The following FRS2 variants were observed in gnomAD, a reference collection of about 807,000 sequenced individuals.
FRS2 encodes FGFR signalling adaptor.
Under a neutral mutation model 43.9 loss-of-function variants are expected in FRS2, and 8 were observed. That is an observed-to-expected ratio of 0.18 (90% confidence interval 0.11 to 0.33). FRS2 has a LOEUF of 0.33. FRS2 is among the 10% of genes least tolerant of loss of function. The probability of loss-of-function intolerance (pLI) is 1.00; values close to 1 mark genes in which losing one functional copy is unlikely to be tolerated. For synonymous variants in FRS2, 219 were observed against 220.3 expected (o/e 0.99, Z 0.05); for missense variants, 534 against 627.6 (o/e 0.85, Z 1.59).
intron 1 of FRS2, among the ~76,000 whole-genome samples, chr12:69,480,529 G>T (rs971237313): frequency 6.6e-6 from 1 of 152,054 alleles, no homozygotes; most frequent in Non-Finnish European, 1.5e-5. Context: ...TCATAGCGGC[G>T]ATCATAGCAC....
intron 1 of FRS2, among the ~76,000 whole-genome samples, chr12:69,477,575 C>T (rs1870930410): frequency 6.6e-6 from 1 of 151,370 alleles, no homozygotes; most frequent in Admixed American, 6.6e-5. Context: ...AGCCACCGCG[C>T]CCGGCCTAAA....
intron 3 of FRS2, among the ~76,000 whole-genome samples, chr12:69,551,877 C>T (rs565279164): frequency 2.0e-5 from 3 of 152,160 alleles, no homozygotes; most frequent in African/African-American, 4.8e-5. Flanking sequence ...GACTGTATGG[C>T]ATGTTTTATG....
intron 1 of FRS2, among the ~76,000 whole-genome samples, chr12:69,510,046 G>A (rs1874313199): frequency 6.6e-6 from 1 of 152,154 alleles, no homozygotes; most frequent in African/African-American, 2.4e-5. Flanking sequence ...TGTGTTTGTA[G>A]GGGTTTGATT....
intron 1 of FRS2, among the ~76,000 whole-genome samples, chr12:69,501,936 G>A (rs2135547090): frequency 6.6e-6 from 1 of 152,136 alleles, no homozygotes; most frequent in Middle Eastern, 3.4e-3. Context: ...CAACTGTATG[G>A]AGAAACACCT....
intron 3 of FRS2, among the ~76,000 whole-genome samples, chr12:69,532,991 C>T (rs894458242): frequency 7.9e-5 from 12 of 152,198 alleles, no homozygotes; most frequent in Non-Finnish European, 1.8e-4. Context: ...TGTGTTACCA[C>T]ACTGCATAAA....
chr12:69,534,259 A>G (rs1479322792), intron 3 of FRS2, among the ~76,000 whole-genome samples: 2 of 152,242 alleles, frequency 1.3e-5, no homozygotes, highest in Non-Finnish European at 2.9e-5. Context: ...TTTATAGTTT[A>G]TAAAAGAACA....
intron 1 of FRS2, among the ~76,000 whole-genome samples, chr12:69,510,739 T>G (rs1874379644): frequency 6.6e-6 from 1 of 152,172 alleles, no homozygotes; most frequent in African/African-American, 2.4e-5. Flanking sequence ...ATAGCTAGCA[T>G]GGAATGTGGT....
intron 1 of FRS2, among the ~76,000 whole-genome samples, chr12:69,513,638 G>A (rs1025591948): frequency 3.3e-5 from 5 of 152,138 alleles, no homozygotes; most frequent in African/African-American, 1.2e-4. Flanking sequence ...TTGCTATTTA[G>A]ATATTTTACT....
intron 1 of FRS2, among the ~76,000 whole-genome samples, chr12:69,477,313 C>T (rs1354344472): frequency 7.6e-6 from 1 of 132,354 alleles, no homozygotes; most frequent in African/African-American, 3.0e-5. Flanking sequence ...CGGAGTCTCG[C>T]TGTGTCCCCC....
chr12:69,525,888 T>C (rs1043485358), intron 1 of FRS2, among the ~76,000 whole-genome samples: 2 of 152,158 alleles, frequency 1.3e-5, no homozygotes, highest in African/African-American at 2.4e-5. Flanking sequence ...GGAGTTTTGC[T>C]CTTGTTGCCC....
At position 69,511,992 on chromosome 12, in the gene FRS2, C is replaced by T. The variant is rs187189133; in HGVS notation, c.-260-18873C>T. The stretch of plus-strand genomic sequence containing the variant: ...CAGTGTTATATTTAATCTGACAGCT[C>T]CCATTGCTTTGTAACAGAGGTTTCT... On this transcript the variant is annotated intron_variant, in intron 1 of 8. Transcript: ENST00000549921. 4.0e-3 allele frequency among the ~76,000 whole-genome samples: 611 copies of T among 152,288 alleles called. 6 individuals are homozygous for T. Among genetic ancestry groups the T allele is most frequent in the African/African-American group, 0.014 (593 of 41,558 alleles).
chr12:69,541,319 T>A (rs1877881916), intron 3 of FRS2, among the ~76,000 whole-genome samples: 1 of 152,202 alleles, frequency 6.6e-6, no homozygotes, highest in African/African-American at 2.4e-5. Context: ...TAGAAAGTTG[T>A]GTTTATTAAA....
chr12:69,518,875 G>A (rs1288019871), intron 1 of FRS2, among the ~76,000 whole-genome samples: 2 of 151,880 alleles, frequency 1.3e-5, no homozygotes, highest in African/African-American at 4.8e-5. Flanking sequence ...GTAGCCAGGT[G>A]TGGTGGTGCA....
chr12:69,486,757 T>C (rs1216566280), intron 1 of FRS2, among the ~76,000 whole-genome samples: 6 of 152,194 alleles, frequency 3.9e-5, no homozygotes, highest in Non-Finnish European at 8.8e-5. Flanking sequence ...TTATTGCTGG[T>C]ATGGAGAAAG....
intron 3 of FRS2, among the ~76,000 whole-genome samples, chr12:69,552,015 G>A (rs529376): frequency 0.71 from 107,177 of 151,760 alleles, 38,340 homozygotes; most frequent in South Asian, 0.84. Flanking sequence ...CTTAAAATCA[G>A]TCATCTCTGG....
chr12:69,570,581 A>G (rs1880667609), intron 6 of FRS2, 64 bp downstream of exon 6: 2 of 938,504 alleles, frequency 2.1e-6, no homozygotes, highest in Middle Eastern at 2.2e-4. Context: ...TATTCTGTAT[A>G]CAAAGATTAA....
At chr12:69,572,026 T>G (rs1880805390) in intron 7 of FRS2, 92 bp from the exon 8 acceptor site, 1 of 855,800 alleles carries the variant, frequency 1.2e-6, no homozygotes, top group Non-Finnish European at 1.8e-6. Flanking sequence ...CAGAAAGACC[T>G]CCTATAATCC....
intron 6 of FRS2, 143 bp from the exon 7 acceptor site, chr12:69,571,133 T>C: frequency 1.8e-6 from 1 of 558,688 alleles, no homozygotes; most frequent in Non-Finnish European, 3.1e-6. Flanking sequence ...GAATAATCAT[T>C]AATTTATCAG....
Position 69,485,113 on chromosome 12 carries a change from A to ACGCG in FRS2, c.-261+14584_-261+14585insGCGC, listed in dbSNP as rs1211462538. Among the ~76,000 whole-genome samples the ACGCG allele has an allele frequency of 7.1e-3, 1,011 of 142,390 alleles. 10 individuals are homozygous for ACGCG. Among genetic ancestry groups the ACGCG allele is most frequent in the East Asian group, 0.012 (46 of 3,906 alleles). 93.4% of individuals were successfully genotyped at this position (142,390 alleles called of 152,430 possible). A position where few individuals can be genotyped will look rare whatever the true frequency, so the allele number is the denominator to read the frequency against. ...CACACACACACACACACACACACAC[A>ACGCG]CACACACACACACACACACACACTC... is the stretch of plus-strand genomic sequence containing the variant. On this transcript the variant is annotated intron_variant, in intron 1 of 8. Transcript: ENST00000549921.
Sources: allele counts gnomAD v4.1 joint callset (sites outside exome capture counted in the v4.1 genomes callset), GRCh38; gene constraint gnomAD v4.1.1; transcripts MANE v1.5; gene names NCBI Gene and HGNC (gene_info 2026-07-23, HGNC 2026-07-21).